Variants in IL1RAPL1 observed in about 807,000 individuals in gnomAD.
The protein encoded by IL1RAPL1 is interleukin 1 receptor accessory protein like 1, also known as interleukin-1 receptor accessory protein-like 1.
A neutral mutation model predicts 48.4 loss-of-function variants in IL1RAPL1; 3 were observed. The ratio of observed to expected loss-of-function variants is 0.06; its 90% CI spans 0.03 to 0.16. The LOEUF (loss-of-function observed/expected upper bound fraction) is 0.16, where lower values mean the gene tolerates loss of function less well. IL1RAPL1 is among the 10% of genes least tolerant of loss of function. The pLI, the probability that IL1RAPL1 is intolerant of heterozygous loss-of-function variation, is 1.00. For missense variants in IL1RAPL1, 349 were observed against 530.6 expected (o/e 0.66, Z 3.36); for synonymous variants, 185 against 187.7 (o/e 0.99, Z 0.12).
chrX:28,615,199 GTTTTTT>G (rs778402885), intron 1 of IL1RAPL1, among the ~76,000 whole-genome samples: 520 of 25,878 alleles, frequency 0.02, 2 homozygotes, highest in African/African-American at 0.071. Flanking sequence ...ACTGTTGTCT[GTTTTTT>G]TTTTTTTTTT....
chrX:29,246,696 C>A (rs1187072138), intron 2 of IL1RAPL1, among the ~76,000 whole-genome samples: 1 of 111,287 alleles, frequency 9.0e-6, no homozygotes, highest in Admixed American at 9.6e-5. Flanking sequence ...TTTATGGGTT[C>A]TCTCTTCTAT....
chrX:29,713,939 G>A (rs758420479), intron 6 of IL1RAPL1, among the ~76,000 whole-genome samples: 1 of 111,663 alleles, frequency 9.0e-6, no homozygotes, highest in Non-Finnish European at 1.9e-5. Context: ...AGGTATAGCT[G>A]GAAACAATGC....
chrX:29,126,377 G>A (rs750905098), intron 2 of IL1RAPL1, among the ~76,000 whole-genome samples: 2 of 112,102 alleles, frequency 1.8e-5, no homozygotes, highest in South Asian at 3.6e-4. Flanking sequence ...TCAATAATGT[G>A]CAGTATTAAA....
At chrX:29,913,419 T>G (rs185164106) in intron 6 of IL1RAPL1, among the ~76,000 whole-genome samples, 9 of 72,637 alleles carry the variant, frequency 1.2e-4, no homozygotes, top group Admixed American at 1.1e-3. Context: ...TATACACATA[T>G]ATGTATACAT....
At chrX:29,909,177 C>T (rs1206390941) in intron 6 of IL1RAPL1, among the ~76,000 whole-genome samples, 1 of 111,457 alleles carries the variant, frequency 9.0e-6, no homozygotes, top group Non-Finnish European at 1.9e-5. Flanking sequence ...AAGTTTGAGA[C>T]TAGCCTGGGC....
chrX:29,684,411 A>G (rs1926558411), intron 6 of IL1RAPL1, among the ~76,000 whole-genome samples: 1 of 111,581 alleles, frequency 9.0e-6, no homozygotes, highest in South Asian at 3.8e-4. Context: ...AAGGCTTCTA[A>G]TACCTTCGTC....
chrX:29,178,445 GA>G (rs1384937459), intron 2 of IL1RAPL1, among the ~76,000 whole-genome samples: 2 of 111,800 alleles, frequency 1.8e-5, no homozygotes, highest in African/African-American at 3.2e-5. Flanking sequence ...GGGGTTGTTT[GA>G]TTTTTTTCTT....
chrX:28,699,951 T>C (rs995438550), intron 1 of IL1RAPL1, among the ~76,000 whole-genome samples: 9 of 111,475 alleles, frequency 8.1e-5, no homozygotes, highest in African/African-American at 2.9e-4. Context: ...AGTTTGAGGA[T>C]CTAAGACAGA....
At chrX:29,318,535 G>A in intron 3 of IL1RAPL1, among the ~76,000 whole-genome samples, 1 of 112,325 alleles carries the variant, frequency 8.9e-6, no homozygotes, top group East Asian at 2.8e-4. Flanking sequence ...AAGCAAAAGG[G>A]AATTAGTACA....
At chrX:29,300,352 G>A (rs1932514041) in intron 3 of IL1RAPL1, among the ~76,000 whole-genome samples, 1 of 111,582 alleles carries the variant, frequency 9.0e-6, no homozygotes, top group South Asian at 3.8e-4. Context: ...ATGATTGAAA[G>A]TGAATGGAAA....
Position 29,188,955 on chromosome X carries a change from G to A in IL1RAPL1, c.83-93983G>A, listed in dbSNP as rs912117057. On this transcript the variant is annotated intron_variant, in intron 2 of 10. Transcript: ENST00000378993. ...AACAAAAATTGAGTGTTTATTGCTT[G>A]CAAAATGTTTTTACTGTAATGAGTT... Among the ~76,000 whole-genome samples the A allele has an allele frequency of 3.6e-5, 4 of 111,613 alleles. No individual in the cohort carries two copies. The South Asian group carries it at 1.5e-3, about 41-fold the overall frequency.
intron 2 of IL1RAPL1, among the ~76,000 whole-genome samples, chrX:29,274,480 G>T (rs1932089188): frequency 8.9e-6 from 1 of 112,271 alleles, no homozygotes; most frequent in Non-Finnish European, 1.9e-5. Context: ...TACAATCTCT[G>T]TAAGAAGTTA....
At chrX:29,596,143 T>C (rs949129144) in intron 5 of IL1RAPL1, among the ~76,000 whole-genome samples, 12 of 112,079 alleles carry the variant, frequency 1.1e-4, no homozygotes, top group African/African-American at 3.2e-4. Flanking sequence ...CCTTATAGTA[T>C]AGTTTGAAAT....
intron 2 of IL1RAPL1, among the ~76,000 whole-genome samples, chrX:28,930,004 A>C (rs1328907259): frequency 8.9e-6 from 1 of 112,427 alleles, no homozygotes; most frequent in East Asian, 2.8e-4. Flanking sequence ...TCTCATCAAA[A>C]GCTTAAATAA....
intron 1 of IL1RAPL1, among the ~76,000 whole-genome samples, chrX:28,740,830 C>A (rs1935897613): frequency 8.9e-6 from 1 of 111,779 alleles, no homozygotes; most frequent in Non-Finnish European, 1.9e-5. Flanking sequence ...TGATTTCAAT[C>A]TTTTTATGGC....
intron 8 of IL1RAPL1, among the ~76,000 whole-genome samples, chrX:29,940,433 C>T (rs1319445805): frequency 9.0e-6 from 1 of 111,552 alleles, no homozygotes; most frequent in Admixed American, 9.5e-5. Context: ...AGATAACTTA[C>T]TGGTGGATTC....
At chrX:29,847,105 A>G (rs1356725588) in intron 6 of IL1RAPL1, among the ~76,000 whole-genome samples, 1 of 111,839 alleles carries the variant, frequency 8.9e-6, no homozygotes, top group African/African-American at 3.2e-5. Context: ...TCAAGGGAGC[A>G]CCTGCTAAAT....
At chrX:29,490,297 C>T (rs1427787497) in intron 5 of IL1RAPL1, among the ~76,000 whole-genome samples, 1 of 111,230 alleles carries the variant, frequency 9.0e-6, no homozygotes, top group Non-Finnish European at 1.9e-5. Context: ...TTTGGGAGGC[C>T]GAGGTGGGCG....
intron 1 of IL1RAPL1, among the ~76,000 whole-genome samples, chrX:28,620,397 G>A (rs376417449): frequency 9.9e-5 from 11 of 111,451 alleles, no homozygotes; most frequent in African/African-American, 3.3e-4. Context: ...CTGGAGTCCT[G>A]GTTTCTTTCC....
Sources: allele counts gnomAD v4.1 joint callset (sites outside exome capture counted in the v4.1 genomes callset), GRCh38; gene constraint gnomAD v4.1.1; transcripts MANE v1.5; gene names NCBI Gene and HGNC (gene_info 2026-07-23, HGNC 2026-07-21).